The following TCF12 variants were observed in gnomAD, a reference collection of about 807,000 sequenced individuals.
TCF12 encodes the protein transcription factor 12, also known as DNA-binding protein HTF4.
Under a neutral mutation model 86.0 loss-of-function variants are expected in TCF12, and 45 were observed. The ratio of observed to expected loss-of-function variants is 0.52; its 90% confidence interval spans 0.41 to 0.67. The LOEUF is 0.67. Ranked by LOEUF, TCF12 falls within the 30% of genes least tolerant of loss-of-function variation. The pLI is 0.00. For synonymous variants in TCF12, 330 were observed against 299.6 expected (o/e 1.10, Z -1.05); for missense variants, 881 against 859.9 (o/e 1.02, Z -0.31).
At chr15:57,195,550 T>A (rs1469693185) in intron 7 of TCF12, among the ~76,000 whole-genome samples, 3 of 152,142 alleles carry the variant, frequency 2.0e-5, no homozygotes, top group Non-Finnish European at 4.4e-5. Context: ...GCACTTCTGT[T>A]TTAAGGAAAT....
In TCF12 at chr15:57,156,528, C is replaced by T. The variant is rs2054120004; in HGVS notation, c.326-9874C>T. Reference sequence around the variant, plus strand: ...TTGACTAGTTTCTTTCCTTCTCTTCCAGTTCTTGCTGTCAGGGGAACTGGC... The same window carrying T: ...TTGACTAGTTTCTTTCCTTCTCTTCTAGTTCTTGCTGTCAGGGGAACTGGC... On this transcript the variant is annotated intron_variant, in intron 5 of 20. Transcript: ENST00000333725. Among the ~76,000 whole-genome samples the T allele has an allele frequency of 2.0e-5, 3 of 152,184 alleles. No homozygotes were observed. The South Asian group carries it at 6.2e-4, about 32-fold the overall frequency.
intron 3 of TCF12, among the ~76,000 whole-genome samples, chr15:56,935,583 A>G (rs1307155753): frequency 5.3e-5 from 8 of 152,166 alleles, no homozygotes; most frequent in Non-Finnish European, 7.4e-5. Context: ...TCACCCAAGC[A>G]GTATACACTG....
At chr15:57,275,009 A>T (rs1173512364) in intron 19 of TCF12, among the ~76,000 whole-genome samples, 6 of 152,182 alleles carry the variant, frequency 3.9e-5, no homozygotes, top group African/African-American at 1.2e-4. Context: ...CATTTGTAAC[A>T]TTGGAATTTC....
chr15:57,148,595 C>T (rs2053530866), intron 5 of TCF12, among the ~76,000 whole-genome samples: 1 of 149,572 alleles, frequency 6.7e-6, no homozygotes, highest in African/African-American at 2.5e-5. Context: ...AAAAAATGCT[C>T]AAATGGCCAG....
intron 4 of TCF12, among the ~76,000 whole-genome samples, chr15:57,080,484 G>A (rs1383659017): frequency 2.0e-5 from 3 of 152,142 alleles, no homozygotes; most frequent in African/African-American, 4.8e-5. Flanking sequence ...TGAGGAAGGG[G>A]ATAATAGGTC....
chr15:57,108,681 G>A (rs553361882), intron 5 of TCF12, among the ~76,000 whole-genome samples: 1 of 151,832 alleles, frequency 6.6e-6, no homozygotes, highest in African/African-American at 2.4e-5. Flanking sequence ...GACATTGTTG[G>A]GGGGTAGGAG....
At chr15:57,229,350 C>T (rs1004257940) in intron 8 of TCF12, among the ~76,000 whole-genome samples, 1 of 151,810 alleles carries the variant, frequency 6.6e-6, no homozygotes, top group Non-Finnish European at 1.5e-5. Flanking sequence ...GAGGAACAAA[C>T]CATTTTATCT....
chr15:57,110,988 G>A (rs140754340), intron 5 of TCF12, among the ~76,000 whole-genome samples: 32 of 152,320 alleles, frequency 2.1e-4, no homozygotes, highest in African/African-American at 7.5e-4. Context: ...TAGAATTCCA[G>A]TTAATGAGGA....
intron 6 of TCF12, among the ~76,000 whole-genome samples, chr15:57,175,609 C>G (rs867857215): frequency 6.6e-6 from 1 of 152,110 alleles, no homozygotes; most frequent in African/African-American, 2.4e-5. Context: ...TATGTAACAA[C>G]AAACCTAATA....
At chr15:57,140,680 G>A (rs748808933) in intron 5 of TCF12, among the ~76,000 whole-genome samples, 1 of 152,096 alleles carries the variant, frequency 6.6e-6, no homozygotes, top group African/African-American at 2.4e-5. Context: ...AAGCCTTTGT[G>A]TATATTTATG....
At chr15:57,075,434 A>G (rs1214691450) in intron 4 of TCF12, among the ~76,000 whole-genome samples, 3 of 152,170 alleles carry the variant, frequency 2.0e-5, no homozygotes, top group Admixed American at 6.5e-5. Context: ...AGATTCCACT[A>G]TTTCCTTGTC....
At chr15:57,164,109 TGA>T (rs1346878502) in intron 5 of TCF12, among the ~76,000 whole-genome samples, 2 of 152,186 alleles carry the variant, frequency 1.3e-5, no homozygotes, top group African/African-American at 2.4e-5. Context: ...CCTTAGTTAC[TGA>T]GCCTCAAAAA....
At chr15:57,217,691 A>G in intron 8 of TCF12, among the ~76,000 whole-genome samples, 1 of 151,990 alleles carries the variant, frequency 6.6e-6, no homozygotes, top group South Asian at 2.1e-4. Flanking sequence ...ATTTTTAATA[A>G]TTAATAGAAA....
At chr15:56,953,766 C>G (rs1330663539) in intron 3 of TCF12, among the ~76,000 whole-genome samples, 3 of 150,868 alleles carry the variant, frequency 2.0e-5, no homozygotes, top group African/African-American at 7.3e-5. Context: ...AGTGATGTTA[C>G]TGCTCTTATT....
intron 3 of TCF12, among the ~76,000 whole-genome samples, chr15:56,977,341 T>C (rs2062662932): frequency 6.6e-6 from 1 of 152,084 alleles, no homozygotes; most frequent in Non-Finnish European, 1.5e-5. Flanking sequence ...GAGACCAGCC[T>C]TGGCAACGTG....
At chr15:56,934,801 C>T (rs1220586090) in intron 3 of TCF12, among the ~76,000 whole-genome samples, 1 of 152,086 alleles carries the variant, frequency 6.6e-6, no homozygotes, top group Non-Finnish European at 1.5e-5. Flanking sequence ...ATTGAGGTAG[C>T]TTTGATGGAG....
intron 5 of TCF12, among the ~76,000 whole-genome samples, chr15:57,142,247 G>T (rs1201472691): frequency 2.6e-5 from 4 of 152,032 alleles, no homozygotes; most frequent in African/African-American, 7.3e-5. Flanking sequence ...AACAAAACCA[G>T]AATGAATCCT....
chr15:57,220,711 G>C (rs1359466240), intron 8 of TCF12, among the ~76,000 whole-genome samples: 1 of 151,618 alleles, frequency 6.6e-6, no homozygotes, highest in Non-Finnish European at 1.5e-5. Flanking sequence ...AAAAAAAAGA[G>C]TAAACTCGGA....
At chr15:57,181,323 T>G (rs552115836) in intron 6 of TCF12, among the ~76,000 whole-genome samples, 8 of 152,088 alleles carry the variant, frequency 5.3e-5, no homozygotes, top group African/African-American at 1.9e-4. Context: ...CTCCGAGGCT[T>G]AAGCAGTCCT....
Sources: allele counts gnomAD v4.1 joint callset (sites outside exome capture counted in the v4.1 genomes callset), GRCh38; gene constraint gnomAD v4.1.1; transcripts MANE v1.5; gene names NCBI Gene and HGNC (gene_info 2026-07-23, HGNC 2026-07-21).